NAA11: variants seen among roughly 807,000 people sequenced by gnomAD.
The protein encoded by NAA11 is N-alpha-acetyltransferase 11, NatA catalytic subunit.
Under a neutral mutation model 16.1 loss-of-function variants are expected in NAA11, and 15 were observed. The observed-to-expected ratio is 0.93, with a 90% confidence interval of 0.62 to 1.44. The LOEUF is 1.44. Ranked by LOEUF, NAA11 falls within the 40% of genes most tolerant of loss-of-function variation. The pLI, the probability that NAA11 is intolerant of heterozygous loss-of-function variation, is 0.00. For synonymous variants in NAA11, 122 were observed against 112.4 expected (o/e 1.09, Z -0.54); for missense variants, 298 against 291.3 (o/e 1.02, Z -0.17).
At chr4:79,192,291 A>G in the NAA11 span, among the ~76,000 whole-genome samples, 15 of 151,766 alleles carry the variant, frequency 9.9e-5, no homozygotes, top group African/African-American at 3.6e-4. Flanking sequence ...GGTTTGTTAC[A>G]TATGTATACA....
intron 1 of NAA11, among the ~76,000 whole-genome samples, chr4:79,318,050 G>T (rs1723979552): frequency 6.6e-6 from 1 of 152,136 alleles, no homozygotes. Context: ...GGACATTTCT[G>T]CCAGGAGAAA....
At chr4:79,191,076 TG>T in the NAA11 span, among the ~76,000 whole-genome samples, 2 of 152,354 alleles carry the variant, frequency 1.3e-5, no homozygotes. Context: ...CTGTCATCGA[TG>T]GGCATTTAAG....
intron 1 of NAA11, among the ~76,000 whole-genome samples, chr4:79,303,079 TATA>T (rs1723449788): frequency 7.5e-5 from 1 of 13,362 alleles, no homozygotes; most frequent in Non-Finnish European, 1.6e-4. Flanking sequence ...AGGCCTTTTA[TATA>T]TATATATATA....
At chr4:79,236,058 G>A (rs1326170449) in intron 2 of NAA11, among the ~76,000 whole-genome samples, 1 of 151,966 alleles carries the variant, frequency 6.6e-6, no homozygotes, top group Non-Finnish European at 1.5e-5. Context: ...GCTACCTCCA[G>A]TACTTAGCTT....
chr4:79,282,165 CTT>C (rs1177784149), intron 2 of NAA11, among the ~76,000 whole-genome samples: 1 of 151,942 alleles, frequency 6.6e-6, no homozygotes, highest in Non-Finnish European at 1.5e-5. Context: ...GCTTGGCATG[CTT>C]GAAGAACACA....
intron 2 of NAA11, among the ~76,000 whole-genome samples, chr4:79,292,056 A>G (rs1723099092): frequency 6.6e-6 from 1 of 152,204 alleles, no homozygotes; most frequent in Non-Finnish European, 1.5e-5. Flanking sequence ...AAAACAGAAT[A>G]AATTTCAGAG....
the NAA11 span, among the ~76,000 whole-genome samples, chr4:79,202,035 T>A: frequency 6.6e-6 from 1 of 151,660 alleles, no homozygotes; most frequent in Non-Finnish European, 1.5e-5. Context: ...ATTTATCATT[T>A]ACTTGTGGTG....
At chr4:79,232,316 C>A (rs1297938219) in intron 2 of NAA11, among the ~76,000 whole-genome samples, 2 of 151,788 alleles carry the variant, frequency 1.3e-5, no homozygotes, top group African/African-American at 2.4e-5. Context: ...GAAAATTTTT[C>A]TTTAGCTCCA....
chr4:79,237,619 T>C (rs528081015), intron 2 of NAA11, among the ~76,000 whole-genome samples: 2 of 152,336 alleles, frequency 1.3e-5, no homozygotes, highest in African/African-American at 2.4e-5. Flanking sequence ...AGGATTGTGT[T>C]ACTCTGATTT....
intron 2 of NAA11, among the ~76,000 whole-genome samples, chr4:79,240,412 G>T (rs1715560811): frequency 6.6e-6 from 1 of 152,178 alleles, no homozygotes; most frequent in Non-Finnish European, 1.5e-5. Flanking sequence ...TTGTGTTAGA[G>T]ATCATTATAT....
the NAA11 span, among the ~76,000 whole-genome samples, chr4:79,209,848 C>T: frequency 6.6e-6 from 1 of 151,940 alleles, no homozygotes; most frequent in East Asian, 1.9e-4. Context: ...GAGTTGGAGA[C>T]AAGCCTGGCA....
the NAA11 span, among the ~76,000 whole-genome samples, chr4:79,202,453 G>T: frequency 6.8e-6 from 1 of 147,834 alleles, no homozygotes; most frequent in Non-Finnish European, 1.5e-5. Context: ...TAAGGTCTTT[G>T]ATTTTATTAA....
At chr4:79,189,155 A>AAAAAAAAAAAAAAAC in the NAA11 span, among the ~76,000 whole-genome samples, 1 of 146,828 alleles carries the variant, frequency 6.8e-6, no homozygotes, top group African/African-American at 2.5e-5. Flanking sequence ...CAAAAAAAAA[A>AAAAAAAAAAAAAAAC]AAAAAAAAAC....
At chr4:79,194,204 T>C in the NAA11 span, among the ~76,000 whole-genome samples, 1 of 26,992 alleles carries the variant, frequency 3.7e-5, no homozygotes, top group African/African-American at 9.2e-5. Context: ...CCTAATTGAA[T>C]ACTGTCGTTG....
intron 1 of NAA11, among the ~76,000 whole-genome samples, chr4:79,307,522 A>G (rs1328972427): frequency 6.6e-6 from 1 of 152,196 alleles, no homozygotes; most frequent in Non-Finnish European, 1.5e-5. Flanking sequence ...AAAAAGCTAC[A>G]TATGATTTCT....
chr4:79,318,371 A>T (rs978751348), intron 1 of NAA11, among the ~76,000 whole-genome samples: 11 of 152,222 alleles, frequency 7.2e-5, no homozygotes, highest in Non-Finnish European at 1.5e-4. Flanking sequence ...GTAGGTAATT[A>T]TATCAGGTAA....
chr4:79,198,191 A>T, the NAA11 span, among the ~76,000 whole-genome samples: 1 of 151,936 alleles, frequency 6.6e-6, no homozygotes, highest in Non-Finnish European at 1.5e-5. Flanking sequence ...AAGAAGCAAG[A>T]AATAAAGAGG....
intron 2 of NAA11, among the ~76,000 whole-genome samples, chr4:79,268,738 A>T (rs1722408894): frequency 6.6e-6 from 1 of 151,840 alleles, no homozygotes; most frequent in Non-Finnish European, 1.5e-5. Flanking sequence ...TTTAGGGTAC[A>T]TGTGCACATT....
chr4:79,297,413 T>G (rs1410344902), intron 1 of NAA11, among the ~76,000 whole-genome samples: 2 of 152,064 alleles, frequency 1.3e-5, no homozygotes, highest in Non-Finnish European at 2.9e-5. Flanking sequence ...TGCCACACAC[T>G]CCATGGAGTG....
Sources: allele counts gnomAD v4.1 joint callset (sites outside exome capture counted in the v4.1 genomes callset), GRCh38; gene constraint gnomAD v4.1.1; transcripts MANE v1.5; gene names NCBI Gene and HGNC (gene_info 2026-07-23, HGNC 2026-07-21).